ME3: variants seen among roughly 807,000 people sequenced by gnomAD.
The protein encoded by ME3 is NADP-dependent malic enzyme, mitochondrial.
In ME3, 48 loss-of-function variants were observed where a neutral mutation model predicts 68.9. The ratio of observed to expected loss-of-function variants is 0.70; its 90% CI spans 0.55 to 0.89. The LOEUF (loss-of-function observed/expected upper bound fraction) is 0.89. Ranked by LOEUF, ME3 falls within the 40% of genes least tolerant of loss-of-function variation. ME3 has a pLI of 0.00. For synonymous variants in ME3, 320 were observed against 318.8 expected, an observed-to-expected ratio of 1.00 and a Z score of -0.04; for missense variants, 675 against 797.4, an observed-to-expected ratio of 0.85 and a Z score of 1.85.
At chr11:86,441,878 G>T (rs1376110124) in intron 14 of ME3, among the ~76,000 whole-genome samples, 2 of 152,120 alleles carry the variant, frequency 1.3e-5, no homozygotes, top group Non-Finnish European at 2.9e-5. Context: ...CCTGGACACT[G>T]TTCTCTGGGT....
chr11:86,449,399 A>G (rs1475752698), intron 10 of ME3, among the ~76,000 whole-genome samples: 1 of 152,256 alleles, frequency 6.6e-6, no homozygotes, highest in Non-Finnish European at 1.5e-5. Context: ...CTGGAAAGGA[A>G]CAACTTCTCT....
chr11:86,512,040 T>C (rs144875833), intron 4 of ME3, among the ~76,000 whole-genome samples: 1 of 152,256 alleles, frequency 6.6e-6, no homozygotes, highest in Non-Finnish European at 1.5e-5. Context: ...ATCCCTAGCC[T>C]CTGAGTTCTC....
At chr11:86,463,157 C>T (rs138049927) in intron 8 of ME3, among the ~76,000 whole-genome samples, 303 of 152,244 alleles carry the variant, frequency 2.0e-3, no homozygotes, top group African/African-American at 6.4e-3. Context: ...AGGGCCTGGC[C>T]GTGTTCCTGT....
At chr11:86,559,749 C>T in exon 3 of ME3, 1 of 1,614,068 alleles carries the variant, frequency 6.2e-7, no homozygotes, top group Non-Finnish European at 8.5e-7. Context: ...GCTGGACGTC[C>T]TGGCTCAGAA....
At chr11:86,510,368 C>T (rs930677437) in intron 4 of ME3, among the ~76,000 whole-genome samples, 3 of 152,136 alleles carry the variant, frequency 2.0e-5, no homozygotes, top group Admixed American at 6.5e-5. Flanking sequence ...TTGAGTTTTC[C>T]TCCTACTTCT....
At chr11:86,594,497 C>A (rs1470517149) in intron 2 of ME3, among the ~76,000 whole-genome samples, 3 of 145,006 alleles carry the variant, frequency 2.1e-5, no homozygotes, top group African/African-American at 7.6e-5. Flanking sequence ...TTGAGACCAA[C>A]CTGGGCAACA....
chr11:86,440,916 AC>A (rs1214216047), downstream of ME3, among the ~76,000 whole-genome samples: 2 of 152,124 alleles, frequency 1.3e-5, no homozygotes, highest in African/African-American at 2.4e-5. Flanking sequence ...TCATGAACTT[AC>A]CACTTTCTCC....
intron 2 of ME3, chr11:86,667,639 C>T (rs1174017667): frequency 2.6e-5 from 4 of 152,172 alleles, no homozygotes; most frequent in Non-Finnish European, 4.4e-5. Flanking sequence ...GCAAACCAAC[C>T]AGCCATTGTA....
downstream of ME3, chr11:86,436,243 T>C (rs1948897177): frequency 6.6e-6 from 1 of 152,196 alleles, no homozygotes; most frequent in Admixed American, 6.5e-5. Context: ...GCCATTGTGG[T>C]TTTAATTTTC....
intron 6 of ME3, among the ~76,000 whole-genome samples, chr11:86,494,566 G>A (rs1952196842): frequency 6.6e-6 from 1 of 152,130 alleles, no homozygotes; most frequent in South Asian, 2.1e-4. Flanking sequence ...CTCCTAGACA[G>A]GGGTACTCTG....
chr11:86,653,302 GCACCA>G (rs1339947430), intron 2 of ME3, among the ~76,000 whole-genome samples: 1 of 152,126 alleles, frequency 6.6e-6, no homozygotes, highest in Non-Finnish European at 1.5e-5. Flanking sequence ...ATTATTTTCA[GCACCA>G]CACCACACCC....
At chr11:86,596,189 C>G (rs1322458032) in intron 2 of ME3, among the ~76,000 whole-genome samples, 1 of 151,892 alleles carries the variant, frequency 6.6e-6, no homozygotes, top group Admixed American at 6.6e-5. Context: ...TCATTTTTTT[C>G]CAATGGAAAG....
intron 6 of ME3, among the ~76,000 whole-genome samples, chr11:86,490,181 A>G (rs1253610535): frequency 6.6e-6 from 1 of 152,198 alleles, no homozygotes; most frequent in Non-Finnish European, 1.5e-5. Flanking sequence ...AACAGGAATT[A>G]TCTGTTAACC....
chr11:86,479,465 T>G (rs890114584), intron 7 of ME3, among the ~76,000 whole-genome samples: 7 of 152,226 alleles, frequency 4.6e-5, no homozygotes, highest in African/African-American at 1.7e-4. Flanking sequence ...CCATTCTTAT[T>G]TAACCTTATT....
chr11:86,537,862 A>G (rs2139323037), intron 4 of ME3, among the ~76,000 whole-genome samples: 1 of 152,258 alleles, frequency 6.6e-6, no homozygotes, highest in Admixed American at 6.5e-5. Context: ...AAACATCCTG[A>G]CACCTACTTA....
At chr11:86,593,874 G>A (rs933978068) in intron 2 of ME3, among the ~76,000 whole-genome samples, 3 of 146,328 alleles carry the variant, frequency 2.1e-5, no homozygotes, top group Non-Finnish European at 4.5e-5. Flanking sequence ...AGTAATTCCT[G>A]TTTTATATAA....
intron 7 of ME3, among the ~76,000 whole-genome samples, chr11:86,475,527 G>A (rs1951010666): frequency 6.6e-6 from 1 of 152,102 alleles, no homozygotes; most frequent in African/African-American, 2.4e-5. Context: ...TGGCCACATT[G>A]TGGGGTACAG....
chr11:86,513,243 A>G (rs897590778), intron 4 of ME3, among the ~76,000 whole-genome samples: 3 of 152,196 alleles, frequency 2.0e-5, no homozygotes, highest in Non-Finnish European at 4.4e-5. Context: ...TAAAATTTCA[A>G]AGTTCTTTTT....
chr11:86,652,722 A>G (rs1341142157), intron 2 of ME3, among the ~76,000 whole-genome samples: 1 of 152,082 alleles, frequency 6.6e-6, no homozygotes. Context: ...TCATAATGAC[A>G]GGATCAAATT....
Sources: allele counts gnomAD v4.1 joint callset (sites outside exome capture counted in the v4.1 genomes callset), GRCh38; gene constraint gnomAD v4.1.1; transcripts MANE v1.5; gene names NCBI Gene and HGNC (gene_info 2026-07-23, HGNC 2026-07-21).